VEGFC: variants seen among roughly 807,000 people sequenced by gnomAD.
VEGFC encodes vascular endothelial growth factor C.
VEGFC carries 12 observed loss-of-function variants against 46.1 expected under a neutral mutation model. The observed-to-expected ratio is 0.26, with a 90% CI of 0.17 to 0.42. The LOEUF (loss-of-function observed/expected upper bound fraction) is 0.42, where lower values mean the gene tolerates loss of function less well. VEGFC is among the 10% of genes least tolerant of loss of function. The pLI is 1.00. For missense variants in VEGFC, 488 were observed against 529.4 expected (o/e 0.92, Z 0.77); for synonymous variants, 232 against 195.5 (o/e 1.19, Z -1.56).
chr4:176,767,550 A>C (rs1735649036), intron 1 of VEGFC, among the ~76,000 whole-genome samples: 1 of 152,194 alleles, frequency 6.6e-6, no homozygotes, highest in Non-Finnish European at 1.5e-5. Context: ...TAGGGTAGTT[A>C]GGACTTCCCA....
At chr4:176,767,647 G>T (rs565686435) in intron 1 of VEGFC, among the ~76,000 whole-genome samples, 1 of 152,092 alleles carries the variant, frequency 6.6e-6, no homozygotes, top group Non-Finnish European at 1.5e-5. Flanking sequence ...TGAACCAGTC[G>T]TTAAACTCTT....
At chr4:176,709,841 T>G (rs1734591413) in intron 4 of VEGFC, among the ~76,000 whole-genome samples, 1 of 152,190 alleles carries the variant, frequency 6.6e-6, no homozygotes, top group Non-Finnish European at 1.5e-5. Flanking sequence ...AAAGACTTGA[T>G]GCTTGAAAAC....
Position 176,692,785 on chromosome 4 carries a change from C to T in VEGFC, c.705-4858G>A, listed in dbSNP as rs1271676163. ...CAGCACGCAGCTGGAGATCTGAGAA[C>T]GGGCAGACTGCTTCCTCAAGTGGGT... On this transcript the variant is annotated intron_variant, in intron 4 of 6. Coordinates refer to ENST00000618562, the MANE Select transcript of VEGFC (RefSeq NM_005429.5). Among the ~76,000 whole-genome samples, 46 of 147,342 alleles carry T rather than the reference C, an allele frequency of 3.1e-4. 1 individual carries two copies. The highest frequency in any genetic ancestry group is 5.3e-4 in the African/African-American group (20 of 37,852).
intron 3 of VEGFC, among the ~76,000 whole-genome samples, chr4:176,719,582 T>C (rs1467343927): frequency 6.6e-6 from 1 of 152,222 alleles, no homozygotes; most frequent in African/African-American, 2.4e-5. Flanking sequence ...TACTTTTCCT[T>C]CACAACACTT....
intron 1 of VEGFC, among the ~76,000 whole-genome samples, chr4:176,759,812 A>C (rs953888450): frequency 6.6e-6 from 1 of 152,078 alleles, no homozygotes; most frequent in Non-Finnish European, 1.5e-5. Context: ...TTTGGAGAGG[A>C]GAGATGCAGC....
At position 176,755,308 on chromosome 4, in the gene VEGFC, A is replaced by T. The variant is rs569400279; in HGVS notation, c.148-25562T>A. Reference sequence around the variant, plus strand: ...AACCCATGCTGCCCACTTACAGCAGACAGGAGACAAGTAATTATGCTCCCC... The same window carrying T: ...AACCCATGCTGCCCACTTACAGCAGTCAGGAGACAAGTAATTATGCTCCCC... On this transcript the variant is annotated intron_variant, in intron 1 of 6. Coordinates refer to ENST00000618562, the MANE Select transcript of VEGFC (RefSeq NM_005429.5). Among the ~76,000 whole-genome samples, 4 of 152,054 alleles carry T rather than the reference A, an allele frequency of 2.6e-5. No individual in the cohort carries two copies. The South Asian group carries it at 8.3e-4, about 31-fold the overall frequency.
chr4:176,792,233 C>T lies in VEGFC; in HGVS notation c.79G>A (p.Ala27Thr), dbSNP rs752893880. 5 of 1,554,818 alleles carry T rather than the reference C, an allele frequency of 3.2e-6. No homozygotes were observed. The South Asian group carries it at 3.5e-5, about 11-fold the overall frequency. Residue 27 changes from alanine (A) to threonine (T), a missense_variant, in exon 1 of 7, where the codon GCC becomes ACC. Coordinates refer to ENST00000618562, the MANE Select transcript of VEGFC (RefSeq NM_005429.5). The surrounding 1 kb of genome is among the most constrained non-coding windows in gnomAD (Gnocchi z 6.3). ...ALLPGPREAP[A>T]AAAAFESGLD... ...CCGGACTCGAAGGCGGCGGCGGCGG[C>T]GGGCGCCTCGCGAGGACCCGGGAGC...
rs376002619 is a variant in VEGFC at position 176,769,295 on chromosome 4, C to G, written c.147+22870G>C. On this transcript the variant is annotated intron_variant, in intron 1 of 6. Transcript: ENST00000618562. The stretch of plus-strand genomic sequence containing the variant: ...TAGCAGGCTGAACAAACTAAGACAC[C>G]CTGTGACCCTGTGTGGCATGCGGTG... 3.9e-5 allele frequency among the ~76,000 whole-genome samples: 6 copies of G among 152,148 alleles called. No homozygotes were observed. In the East Asian group the frequency reaches 9.7e-4, roughly 25 times the overall value.
rs1388641486 is a variant in VEGFC, at chr4:176,706,608, A to ATC, written c.704+4890_704+4891insGA. On this transcript the variant is annotated intron_variant, in intron 4 of 6. Coordinates refer to ENST00000618562, the MANE Select transcript of VEGFC (RefSeq NM_005429.5). ...GTCATTGTACTCCAGCCTGGGTGAT[A>ATC]GAGTGAGAATCTGTCTCAAAAAAAA... Among the ~76,000 whole-genome samples, 6 of 116,214 alleles carry ATC rather than the reference A, an allele frequency of 5.2e-5. No individual in the cohort carries two copies. In the East Asian group the frequency reaches 1.8e-3, roughly 36 times the overall value. The allele number at this position is 116,214 out of a possible 152,430, so 76.2% of individuals were successfully genotyped here.
intron 4 of VEGFC, among the ~76,000 whole-genome samples, chr4:176,691,974 T>C (rs866423415): frequency 8.1e-4 from 123 of 152,226 alleles, no homozygotes; most frequent in Admixed American, 2.0e-3. Context: ...GGGCGAGGCA[T>C]TGCCTCACTT....
At chr4:176,772,029 C>G (rs1735731896) in intron 1 of VEGFC, among the ~76,000 whole-genome samples, 1 of 152,140 alleles carries the variant, frequency 6.6e-6, no homozygotes. Context: ...AGCACGTTGG[C>G]TGCAGAAAGC....
chr4:176,749,011 AAAG>A (rs753320713), intron 1 of VEGFC, among the ~76,000 whole-genome samples: 42 of 152,128 alleles, frequency 2.8e-4, no homozygotes, highest in South Asian at 1.9e-3. Context: ...ATTATTCTTG[AAAG>A]AAGAAGTTTA....
intron 4 of VEGFC, among the ~76,000 whole-genome samples, chr4:176,708,806 T>G (rs1270013794): frequency 3.3e-5 from 5 of 152,174 alleles, no homozygotes; most frequent in Non-Finnish European, 7.4e-5. Context: ...GAATCAGACT[T>G]AGATATTAAT....
intron 4 of VEGFC, among the ~76,000 whole-genome samples, chr4:176,703,964 C>G (rs1734479428): frequency 6.6e-6 from 1 of 152,118 alleles, no homozygotes; most frequent in African/African-American, 2.4e-5. Context: ...TTTCTCAAAA[C>G]ACATTCTCCC....
chr4:176,786,566 T>A (rs1389359266), intron 1 of VEGFC, among the ~76,000 whole-genome samples: 4 of 152,218 alleles, frequency 2.6e-5, no homozygotes, highest in Admixed American at 2.6e-4. Context: ...ACAAAACCAC[T>A]TACATGGTCT....
chr4:176,754,435 C>T (rs576532812), intron 1 of VEGFC, among the ~76,000 whole-genome samples: 41 of 152,074 alleles, frequency 2.7e-4, no homozygotes, highest in African/African-American at 9.2e-4. Context: ...CTGTAAGGGG[C>T]TCTGGAGAAG....
intron 1 of VEGFC, among the ~76,000 whole-genome samples, chr4:176,791,591 G>C (rs1293016431): frequency 6.6e-6 from 1 of 150,700 alleles, no homozygotes; most frequent in Non-Finnish European, 1.5e-5. Flanking sequence ...TGATCTAACT[G>C]ACTCTAATCT....
chr4:176,766,564 G>A (rs11734356), intron 1 of VEGFC, among the ~76,000 whole-genome samples: 123,185 of 148,752 alleles, frequency 0.83, 52,470 homozygotes, highest in East Asian at 1. Context: ...TTCAGCCTGT[G>A]TGACAGAATG....
chr4:176,706,451 A>AC (rs1467188677), intron 4 of VEGFC, among the ~76,000 whole-genome samples: 1 of 151,858 alleles, frequency 6.6e-6, no homozygotes, highest in Non-Finnish European at 1.5e-5. Context: ...GAATGGTGAA[A>AC]CCCCATCTCT....
Sources: gnomAD v4.1 joint callset for allele counts (sites outside exome capture counted in the v4.1 genomes callset) on GRCh38, gnomAD v4.1.1 for gene constraint, Gnocchi (gnomAD v3.1) non-coding constraint, MANE v1.5 for transcripts, NCBI Gene and HGNC (gene_info 2026-07-23, HGNC 2026-07-21) for gene names.